Variants in RBMS3 observed in about 807,000 individuals in gnomAD.
RBMS3 encodes the protein RNA-binding motif, single-stranded-interacting protein 3.
Under a neutral mutation model 66.8 loss-of-function variants are expected in RBMS3, and 27 were observed. The ratio of observed to expected loss-of-function variants is 0.40; its 90% confidence interval spans 0.30 to 0.56. The LOEUF is 0.56. RBMS3 is among the 20% of genes least tolerant of loss of function. RBMS3 has a pLI of 0.40. For missense variants in RBMS3, 513 were observed against 549.5 expected (o/e 0.93, Z 0.66); for synonymous variants, 188 against 183.0 (o/e 1.03, Z -0.22).
At chr3:29,377,793 A>G (rs991534881) in intron 1 of RBMS3, among the ~76,000 whole-genome samples, 1 of 152,158 alleles carries the variant, frequency 6.6e-6, no homozygotes, top group African/African-American at 2.4e-5. Flanking sequence ...GACCCCCAAT[A>G]CTGGGTTTGG....
rs148392381 is a variant in RBMS3, at chr3:29,658,608, G to A, written c.399+71403G>A. The stretch of plus-strand genomic sequence containing the variant: ...GATGCAAAATACTTGAGAAATTTCC[G>A]TAAGTAAGCAAAAGATGCTGTTGAG... On this transcript the variant is annotated intron_variant, in intron 4 of 14. Coordinates refer to ENST00000383767, the MANE Select transcript of RBMS3 (RefSeq NM_001003793.3). Among the ~76,000 whole-genome samples the A allele has an allele frequency of 4.5e-3, 678 of 152,256 alleles. 4 individuals carry two copies. The highest frequency in any genetic ancestry group is 0.015 in the African/African-American group (640 of 41,564).
Position 29,803,385 on chromosome 3 carries a change from A to G in RBMS3, c.637+40396A>G, listed in dbSNP as rs546713464. Among the ~76,000 whole-genome samples, 4 of 152,306 alleles carry G rather than the reference A, an allele frequency of 2.6e-5. No homozygotes were observed. The South Asian group carries it at 6.2e-4, about 24-fold the overall frequency. ...TCAAAGTACTGAATAAATATAAAAC[A>G]TTATCTAAATGGCAAAATAGAATAC... On this transcript the variant is annotated intron_variant, in intron 6 of 14. Coordinates refer to ENST00000383767, the MANE Select transcript of RBMS3 (RefSeq NM_001003793.3).
rs1215249931 is a variant in RBMS3 at position 29,435,132 on chromosome 3, T to A, written c.248+217T>A. On this transcript the variant is annotated intron_variant, in intron 2 of 14. Coordinates refer to ENST00000383767, the MANE Select transcript of RBMS3 (RefSeq NM_001003793.3). The stretch of plus-strand genomic sequence containing the variant: ...TTGAGTGGAAGTTCTTGAGCACATA[T>A]ACATGGAAATGCTGGCTGATTCATA... The A allele has an allele frequency of 5.8e-6, 3 of 521,294 alleles. No individual in the cohort carries two copies. In the African/African-American group the frequency reaches 5.8e-5, roughly 10 times the overall value. The allele number at this position is 521,294 out of a possible 1,614,324, so 32.3% of individuals were successfully genotyped here. A position where few individuals can be genotyped will look rare whatever the true frequency, so the allele number is the denominator to read the frequency against.
chr3:29,367,124 G>T (rs2037954912), intron 1 of RBMS3, among the ~76,000 whole-genome samples: 1 of 152,136 alleles, frequency 6.6e-6, no homozygotes, highest in South Asian at 2.1e-4. Flanking sequence ...TTTATGGAGA[G>T]AATTGAATGT....
intron 5 of RBMS3, among the ~76,000 whole-genome samples, chr3:29,750,222 T>A (rs2055109711): frequency 6.6e-6 from 1 of 152,176 alleles, no homozygotes; most frequent in African/African-American, 2.4e-5. Context: ...AAAAGTAAGA[T>A]CTCTAAATTT....
intron 1 of RBMS3, among the ~76,000 whole-genome samples, chr3:29,393,696 C>A (rs1697537590): frequency 6.6e-6 from 1 of 151,982 alleles, no homozygotes. Flanking sequence ...AAGTGTCGAC[C>A]CTAAGTGTTG....
rs145526467 is a variant in RBMS3, at chr3:29,337,994, C to T, written c.75+56238C>T. On this transcript the variant is annotated intron_variant, in intron 1 of 14. Coordinates refer to ENST00000383767, the MANE Select transcript of RBMS3 (RefSeq NM_001003793.3). ...AATGGTATAAATGGAAGGGACTCAT[C>T]TATTTTGACCTCTCCATTTTTGAGA... Among the ~76,000 whole-genome samples the T allele has an allele frequency of 4.2e-3, 646 of 152,224 alleles. 6 individuals are homozygous for T. Among genetic ancestry groups the T allele is most frequent in the African/African-American group, 0.014 (584 of 41,536 alleles).
intron 1 of RBMS3, among the ~76,000 whole-genome samples, chr3:29,338,690 C>CCT (rs1485133839): frequency 2.1e-5 from 2 of 95,366 alleles, no homozygotes; most frequent in African/African-American, 7.5e-5. Context: ...CCTCTCCTCT[C>CCT]CTCTCCTCCT....
intron 10 of RBMS3, among the ~76,000 whole-genome samples, chr3:29,935,876 C>G (rs1332775651): frequency 6.6e-6 from 1 of 152,062 alleles, no homozygotes; most frequent in Non-Finnish European, 1.5e-5. Flanking sequence ...TAAATTACCT[C>G]AGAAGAAAGG....
chr3:29,432,923 A>G (rs548742149), intron 1 of RBMS3, among the ~76,000 whole-genome samples: 9 of 152,154 alleles, frequency 5.9e-5, no homozygotes, highest in East Asian at 1.9e-4. Flanking sequence ...GGACTTTGTA[A>G]TAAGTTTGGT....
At chr3:29,948,173 T>C (rs1051326428) in intron 12 of RBMS3, among the ~76,000 whole-genome samples, 1 of 151,730 alleles carries the variant, frequency 6.6e-6, no homozygotes, top group African/African-American at 2.4e-5. Context: ...ACTGGTCCAA[T>C]AAGAAATTTT....
intron 3 of RBMS3, among the ~76,000 whole-genome samples, chr3:29,567,676 G>C (rs1036586228): frequency 7.0e-6 from 1 of 143,276 alleles, no homozygotes; most frequent in Non-Finnish European, 1.5e-5. Flanking sequence ...TTGTTATGAG[G>C]AGAACTGTGT....
chr3:29,985,254 T>C (rs1381893635), intron 12 of RBMS3, among the ~76,000 whole-genome samples: 2 of 152,162 alleles, frequency 1.3e-5, no homozygotes, highest in South Asian at 2.1e-4. Context: ...GCATCCCAAG[T>C]GGACTTCAGA....
intron 10 of RBMS3, among the ~76,000 whole-genome samples, chr3:29,929,387 C>A (rs921953234): frequency 1.3e-5 from 2 of 152,082 alleles, no homozygotes; most frequent in African/African-American, 4.8e-5. Context: ...TATCTATGTA[C>A]CTGCTTTGGT....
At chr3:29,527,181 T>TAAAAAAAAAAAAAAAAAA (rs538907247) in intron 3 of RBMS3, among the ~76,000 whole-genome samples, 1 of 87,828 alleles carries the variant, frequency 1.1e-5, no homozygotes, top group Non-Finnish European at 2.1e-5. Context: ...TTAGGTAGAG[T>TAAAAAAAAAAAAAAAAAA]AAAAAAAAAA....
intron 1 of RBMS3, among the ~76,000 whole-genome samples, chr3:29,368,176 T>G (rs74519259): frequency 6.6e-6 from 1 of 152,172 alleles, no homozygotes; most frequent in Non-Finnish European, 1.5e-5. Flanking sequence ...AGTTTTATCC[T>G]GAAATAGCTT....
intron 3 of RBMS3, among the ~76,000 whole-genome samples, chr3:29,572,782 T>C (rs931129311): frequency 1.3e-5 from 2 of 152,198 alleles, no homozygotes; most frequent in African/African-American, 4.8e-5. Context: ...ACTGGTCTCA[T>C]AGAATGAATT....
intron 5 of RBMS3, among the ~76,000 whole-genome samples, chr3:29,752,979 G>A (rs551186979): frequency 6.6e-6 from 1 of 152,166 alleles, no homozygotes; most frequent in Admixed American, 6.5e-5. Flanking sequence ...TAGTAGCTTA[G>A]GTGGAGCAAG....
intron 1 of RBMS3, among the ~76,000 whole-genome samples, chr3:29,328,919 AT>A: frequency 6.6e-6 from 1 of 152,300 alleles, no homozygotes; most frequent in Middle Eastern, 3.4e-3. Flanking sequence ...CTGAGTAAAT[AT>A]TTTTGAAACA....
Sources: gnomAD v4.1 joint callset for allele counts (sites outside exome capture counted in the v4.1 genomes callset) on GRCh38, gnomAD v4.1.1 for gene constraint, MANE v1.5 for transcripts, NCBI Gene and HGNC (gene_info 2026-07-23, HGNC 2026-07-21) for gene names.